GRB2: variants seen among roughly 807,000 people sequenced by gnomAD.
The protein encoded by GRB2 is growth factor receptor-bound protein 2.
Under a neutral mutation model 27.4 loss-of-function variants are expected in GRB2, and 2 were observed. The observed-to-expected ratio is 0.07, with a 90% confidence interval of 0.03 to 0.23. GRB2 has a LOEUF of 0.23. Among genes scored for constraint, GRB2 ranks in the 10% least tolerant of loss-of-function variants. The pLI is 1.00. For synonymous variants in GRB2, 94 were observed against 99.6 expected, an observed-to-expected ratio of 0.94 and a Z score of 0.33; for missense variants, 102 against 282.4, an observed-to-expected ratio of 0.36 and a Z score of 4.58.
intron 2 of GRB2, among the ~76,000 whole-genome samples, chr17:75,375,027 C>T (rs1234001970): frequency 6.6e-6 from 1 of 152,054 alleles, no homozygotes; most frequent in Admixed American, 6.6e-5. Flanking sequence ...TCCTGAGTAG[C>T]TGGGACTGCA....
intron 4 of GRB2, among the ~76,000 whole-genome samples, chr17:75,324,519 T>TTTTTTTTTTG (rs1567855813): frequency 1.2e-5 from 1 of 80,170 alleles, no homozygotes; most frequent in Non-Finnish European, 2.9e-5. Flanking sequence ...TTTTTTTTTT[T>TTTTTTTTTTG]TTTTTTTTTT....
At chr17:75,377,197 T>G (rs1212094696) in intron 2 of GRB2, among the ~76,000 whole-genome samples, 1 of 152,010 alleles carries the variant, frequency 6.6e-6, no homozygotes, top group Non-Finnish European at 1.5e-5. Context: ...GGTGCGCATC[T>G]GTAGTCCCAG....
chr17:75,346,456 A>G (rs12949719), intron 2 of GRB2, among the ~76,000 whole-genome samples: 91,947 of 151,586 alleles, frequency 0.61, 32,740 homozygotes, highest in East Asian at 0.87. Context: ...AGACTGCGCC[A>G]CTGCATTCCA....
chr17:75,396,304 A>G (rs553341253), intron 1 of GRB2, among the ~76,000 whole-genome samples: 10 of 151,660 alleles, frequency 6.6e-5, no homozygotes, highest in Non-Finnish European at 1.3e-4. Flanking sequence ...GTGCAGTGGC[A>G]TGGTCATGGC....
At chr17:75,324,272 T>C (rs2078480657) in intron 4 of GRB2, among the ~76,000 whole-genome samples, 1 of 151,450 alleles carries the variant, frequency 6.6e-6, no homozygotes, top group Non-Finnish European at 1.5e-5. Context: ...CGATCTTGGC[T>C]CATCTGCCTC....
At chr17:75,373,129 C>G (rs2078866857) in intron 2 of GRB2, 1 of 152,174 alleles carries the variant, frequency 6.6e-6, no homozygotes, top group Non-Finnish European at 1.5e-5. Flanking sequence ...CACCTGTAAT[C>G]CCAGCTACTC....
intron 2 of GRB2, among the ~76,000 whole-genome samples, chr17:75,376,448 G>A (rs1042380481): frequency 1.3e-5 from 2 of 151,076 alleles, no homozygotes; most frequent in Admixed American, 6.6e-5. Flanking sequence ...TTGAATGCGG[G>A]AGGTGGAGGC....
intron 2 of GRB2, among the ~76,000 whole-genome samples, chr17:75,366,763 G>A (rs1029548279): frequency 1.3e-5 from 2 of 152,144 alleles, no homozygotes; most frequent in African/African-American, 2.4e-5. Flanking sequence ...AGTGAGCCAT[G>A]ATCCCATCAC....
Position 75,400,086 on chromosome 17 carries a change from C to T in GRB2, c.-138+5403G>A, listed in dbSNP as rs771055244. Among the ~76,000 whole-genome samples, 3 of 152,006 alleles carry T rather than the reference C, an allele frequency of 2.0e-5. No individual in the cohort carries two copies. In the East Asian group the frequency reaches 5.8e-4, roughly 29 times the overall value. On this transcript the variant is annotated intron_variant, in intron 1 of 5. Coordinates refer to ENST00000316804, the MANE Select transcript of GRB2 (RefSeq NM_002086.5). ...CATCTTGGCTCACTGCAGCCTTGAC[C>T]TCCCAGGCTCAGGCCATCCTCCCGC...
At chr17:75,379,047 T>A (rs894539851) in intron 2 of GRB2, among the ~76,000 whole-genome samples, 7 of 152,236 alleles carry the variant, frequency 4.6e-5, no homozygotes, top group African/African-American at 1.7e-4. Context: ...AGAAATGCCA[T>A]TCTTCTCTCC....
chr17:75,368,222 T>TC (rs1268501384), intron 2 of GRB2, among the ~76,000 whole-genome samples: 1 of 150,250 alleles, frequency 6.7e-6, no homozygotes, highest in Non-Finnish European at 1.5e-5. Context: ...GCTGTTTTTT[T>TC]TTTTTTTTTG....
intron 3 of GRB2, among the ~76,000 whole-genome samples, 162 bp downstream of exon 3, chr17:75,332,538 A>G (rs1260503485): frequency 6.6e-6 from 1 of 152,192 alleles, no homozygotes; most frequent in Non-Finnish European, 1.5e-5. Context: ...ACTATGATAT[A>G]TTATTATATA....
At chr17:75,322,048 T>C (rs948827476) in intron 4 of GRB2, among the ~76,000 whole-genome samples, 18 of 152,142 alleles carry the variant, frequency 1.2e-4, no homozygotes, top group African/African-American at 3.9e-4. Context: ...GGACAGGCCA[T>C]CAGTCATTCT....
chr17:75,343,747 G>C (rs1279687133), intron 2 of GRB2, among the ~76,000 whole-genome samples: 4 of 152,126 alleles, frequency 2.6e-5, no homozygotes, highest in Non-Finnish European at 5.9e-5. Flanking sequence ...TAACTGTCTT[G>C]CGTTTTGTGA....
chr17:75,324,932 C>T (rs541468750), intron 4 of GRB2, among the ~76,000 whole-genome samples: 81 of 151,986 alleles, frequency 5.3e-4, no homozygotes, highest in African/African-American at 1.9e-3. Context: ...AAAAATAAGC[C>T]GGGCGTGGTG....
rs1439531650 is a variant in GRB2 at position 75,326,010 on chromosome 17, C to T, written c.187G>A (p.Gly63Ser). Residue 63 changes from glycine to serine, a missense_variant, in exon 4 of 6, where the codon GGC becomes AGC. Gly to Ser is a moderately conservative substitution (Grantham distance 56). Coordinates refer to ENST00000316804, the MANE Select transcript of GRB2 (RefSeq NM_002086.5). Reference protein sequence around the residue: ...IEMKPHPWFFGKIPRAKAEEM... With the variant: ...IEMKPHPWFFSKIPRAKAEEM... ...TCTGCCTTGGCTCTGGGGATTTTGC[C>T]AAAAAACCACCTAAGGAAGGAAGGC... is the stretch of plus-strand genomic sequence containing the variant. 3 of 1,613,804 alleles carry T rather than the reference C, an allele frequency of 1.9e-6. No homozygotes were observed. The highest frequency in any genetic ancestry group is 2.5e-6 in the Non-Finnish European group (3 of 1,179,966).
intron 2 of GRB2, among the ~76,000 whole-genome samples, chr17:75,363,023 T>A (rs1410825563): frequency 6.6e-6 from 1 of 152,180 alleles, no homozygotes; most frequent in Admixed American, 6.5e-5. Flanking sequence ...GTGCTCTAGG[T>A]GCCCAGCAGA....
At chr17:75,373,740 T>G (rs1323876094) in intron 2 of GRB2, 2 of 151,666 alleles carry the variant, frequency 1.3e-5, no homozygotes, top group East Asian at 3.9e-4. Context: ...CTAAACACAG[T>G]ACCCTTTGCT....
chr17:75,340,723 T>C (rs1460243674), intron 2 of GRB2, among the ~76,000 whole-genome samples: 1 of 152,204 alleles, frequency 6.6e-6, no homozygotes, highest in Non-Finnish European at 1.5e-5. Flanking sequence ...AGTGATTCAT[T>C]ACTAACACTT....
Sources: gnomAD v4.1 joint callset for allele counts (sites outside exome capture counted in the v4.1 genomes callset) on GRCh38, gnomAD v4.1.1 for gene constraint, MANE v1.5 for transcripts, NCBI Gene and HGNC (gene_info 2026-07-23, HGNC 2026-07-21) for gene names.